The following KLHL29 variants were observed in gnomAD, a reference collection of about 807,000 sequenced individuals.
KLHL29 encodes kelch like family member 29.
A neutral mutation model predicts 80.4 loss-of-function variants in KLHL29; 21 were observed. The observed-to-expected ratio is 0.26, with a 90% CI of 0.19 to 0.38. KLHL29 has a LOEUF of 0.38. KLHL29 is among the 10% of genes least tolerant of loss of function. The pLI, the probability that KLHL29 is intolerant of heterozygous loss-of-function variation, is 1.00. For synonymous variants in KLHL29, 511 were observed against 526.8 expected (o/e 0.97, Z 0.41); for missense variants, 867 against 1,223.9 (o/e 0.71, Z 4.35).
intron 1 of KLHL29, among the ~76,000 whole-genome samples, chr2:23,408,660 G>A (rs1666790820): frequency 6.6e-6 from 1 of 152,192 alleles, no homozygotes. Context: ...TGAACTTTCT[G>A]ATGGATGGAA....
rs1668660357 is a variant in KLHL29, at chr2:23,604,695, T to C, written c.286-34444T>C. 3.3e-5 allele frequency among the ~76,000 whole-genome samples: 5 copies of C among 152,120 alleles called. No individual in the cohort carries two copies. In the South Asian group the frequency reaches 1.0e-3, roughly 32 times the overall value. On this transcript the variant is annotated intron_variant, in intron 3 of 13. Coordinates refer to ENST00000486442, the MANE Select transcript of KLHL29 (RefSeq NM_052920.2). ...AGTCACTTGGAGTCATTTTAGACCA[T>C]CATAGATCTGAGCAAGAGGCAGGGT...
intron 2 of KLHL29, among the ~76,000 whole-genome samples, chr2:23,520,237 G>A (rs1329606893): frequency 2.0e-5 from 3 of 152,138 alleles, no homozygotes; most frequent in Non-Finnish European, 4.4e-5. Flanking sequence ...CCTCAAAACG[G>A]GGTACAGGGC....
intron 6 of KLHL29, chr2:23,689,151 C>T (rs1398301935): frequency 6.6e-6 from 1 of 152,356 alleles, no homozygotes; most frequent in Non-Finnish European, 1.5e-5. Context: ...GAAAGAGCCC[C>T]CATCACATTC....
At chr2:23,492,410 T>C (rs1558358229) in intron 2 of KLHL29, among the ~76,000 whole-genome samples, 1 of 152,178 alleles carries the variant, frequency 6.6e-6, no homozygotes, top group Non-Finnish European at 1.5e-5. Context: ...TGAAAACCCC[T>C]GCACCCACCC....
At chr2:23,583,529 C>A (rs987453137) in intron 3 of KLHL29, among the ~76,000 whole-genome samples, 2 of 152,150 alleles carry the variant, frequency 1.3e-5, no homozygotes. Context: ...GCGATTAAAG[C>A]GAGAAGCTCT....
At chr2:23,671,866 G>A (rs1471830378) in intron 5 of KLHL29, 1 of 152,340 alleles carries the variant, frequency 6.6e-6, no homozygotes, top group African/African-American at 2.4e-5. Context: ...AGGACGCCAG[G>A]GGGACTGTCT....
At chr2:23,666,669 G>A (rs113749158) in intron 5 of KLHL29, among the ~76,000 whole-genome samples, 3 of 152,268 alleles carry the variant, frequency 2.0e-5, no homozygotes, top group African/African-American at 7.2e-5. Context: ...GATCGTGACT[G>A]AGCGAGTTTC....
At chr2:23,412,057 A>ACCACC (rs1437833979) in intron 1 of KLHL29, among the ~76,000 whole-genome samples, 1 of 147,514 alleles carries the variant, frequency 6.8e-6, no homozygotes, top group Admixed American at 6.9e-5. Context: ...TGTTGTGGGA[A>ACCACC]TGTGAGGTGG....
chr2:23,693,674 G>A (rs548882537), intron 8 of KLHL29, 146 bp downstream of exon 8: 7 of 886,460 alleles, frequency 7.9e-6, no homozygotes, highest in African/African-American at 1.7e-5. Flanking sequence ...GCAGAGAGGT[G>A]AGAAACCAGT....
chr2:23,467,628 G>T (rs1400198066), intron 1 of KLHL29, among the ~76,000 whole-genome samples: 1 of 152,176 alleles, frequency 6.6e-6, no homozygotes, highest in East Asian at 1.9e-4. Context: ...TTGGGGAAGG[G>T]GTTTTTGGCC....
intron 1 of KLHL29, among the ~76,000 whole-genome samples, chr2:23,411,721 C>G (rs1314041710): frequency 6.6e-6 from 1 of 152,110 alleles, no homozygotes; most frequent in African/African-American, 2.4e-5. Context: ...TTCTCCACTT[C>G]CCAGATGTGG....
At chr2:23,570,980 C>T (rs2103502431) in intron 3 of KLHL29, among the ~76,000 whole-genome samples, 1 of 152,330 alleles carries the variant, frequency 6.6e-6, no homozygotes, top group East Asian at 1.9e-4. Flanking sequence ...AGTGGATCTG[C>T]CCAGCTCTTC....
At chr2:23,484,754 A>G (rs568708862) in intron 2 of KLHL29, among the ~76,000 whole-genome samples, 1 of 152,296 alleles carries the variant, frequency 6.6e-6, no homozygotes, top group East Asian at 1.9e-4. Flanking sequence ...TCCTCCCTGA[A>G]CTACCACTGC....
intron 1 of KLHL29, among the ~76,000 whole-genome samples, chr2:23,408,710 A>G (rs2103393523): frequency 6.6e-6 from 1 of 152,350 alleles, no homozygotes; most frequent in East Asian, 1.9e-4. Flanking sequence ...TATTGTACTA[A>G]AAGATTGTCT....
chr2:23,511,271 G>A (rs1022984312), intron 2 of KLHL29, among the ~76,000 whole-genome samples: 1 of 152,200 alleles, frequency 6.6e-6, no homozygotes, highest in Non-Finnish European at 1.5e-5. Context: ...GGTGCCCCCT[G>A]AAGTGCCATC....
chr2:23,462,841 A>G (rs556265215), intron 1 of KLHL29, among the ~76,000 whole-genome samples: 5 of 152,224 alleles, frequency 3.3e-5, no homozygotes, highest in Non-Finnish European at 7.3e-5. Context: ...ATTACAAACT[A>G]TATAAAATGC....
intron 1 of KLHL29, among the ~76,000 whole-genome samples, chr2:23,393,674 A>G (rs1474554168): frequency 6.6e-6 from 1 of 152,224 alleles, no homozygotes; most frequent in Non-Finnish European, 1.5e-5. Flanking sequence ...GGGTGTGAAT[A>G]GAGCCTGGAG....
intron 2 of KLHL29, chr2:23,507,166 T>C (rs1001582483): frequency 2.5e-6 from 1 of 405,828 alleles, no homozygotes; most frequent in South Asian, 1.7e-5. Context: ...CTCACTCCCG[T>C]GCATGCCATC....
chr2:23,641,472 A>AC (rs1669767637), intron 4 of KLHL29, among the ~76,000 whole-genome samples: 4 of 151,400 alleles, frequency 2.6e-5, no homozygotes, highest in Admixed American at 2.6e-4. Context: ...CCCAGTGAAC[A>AC]CCCCCATCTC....
Sources: allele counts gnomAD v4.1 joint callset (sites outside exome capture counted in the v4.1 genomes callset), GRCh38; gene constraint gnomAD v4.1.1; transcripts MANE v1.5; gene names NCBI Gene and HGNC (gene_info 2026-07-23, HGNC 2026-07-21).